Variants in AGAP1 observed in about 807,000 individuals in gnomAD.
AGAP1 encodes ArfGAP with GTPase domain, ankyrin repeat and PH domain 1, also known as arf-GAP with GTPase, ANK repeat and PH domain-containing protein 1.
AGAP1 carries 29 observed loss-of-function variants against 105.3 expected under a neutral mutation model. The observed-to-expected ratio is 0.28, with a 90% CI of 0.21 to 0.38. The LOEUF (loss-of-function observed/expected upper bound fraction) is 0.38. AGAP1 is among the 10% of genes least tolerant of loss of function. The probability of loss-of-function intolerance (pLI) is 1.00; values close to 1 mark genes in which losing one functional copy is unlikely to be tolerated. For synonymous variants in AGAP1, 509 were observed against 485.9 expected (o/e 1.05, Z -0.63); for missense variants, 998 against 1,165.1 (o/e 0.86, Z 2.09).
chr2:235,580,593 G>A (rs1944898869), intron 1 of AGAP1, among the ~76,000 whole-genome samples: 1 of 152,132 alleles, frequency 6.6e-6, no homozygotes, highest in East Asian at 1.9e-4. Context: ...AGCTACTTGT[G>A]CCTGACTATG....
intron 16 of AGAP1, among the ~76,000 whole-genome samples, chr2:236,057,631 A>G (rs1162376186): frequency 1.3e-5 from 2 of 152,128 alleles, no homozygotes; most frequent in Non-Finnish European, 2.9e-5. Context: ...GGGAATATAA[A>G]GCCTGTATTG....
chr2:235,542,726 G>A (rs938920841), intron 1 of AGAP1, among the ~76,000 whole-genome samples: 1 of 152,168 alleles, frequency 6.6e-6, no homozygotes, highest in Non-Finnish European at 1.5e-5. Context: ...CTAGTTTGTT[G>A]TATTTGCTTT....
At chr2:235,873,182 C>T (rs1191906294) in intron 9 of AGAP1, among the ~76,000 whole-genome samples, 5 of 152,206 alleles carry the variant, frequency 3.3e-5, no homozygotes, top group African/African-American at 4.8e-5. Context: ...CTTCTGGGGT[C>T]GCTCTAGACT....
rs2051060470 is a variant in AGAP1, at chr2:235,901,463, C to G, written c.1156-7275C>G. On this transcript the variant is annotated intron_variant, in intron 10 of 17. Transcript: ENST00000304032. This position sits in a 1 kb window ranked among gnomAD's most constrained non-coding sequence, Gnocchi z 4.3. Reference sequence around the variant, plus strand: ...AACATTTACAATATCTTTCCACAGTCCAACCCTTTGCTCCTCCCCGGTTGT... The same window carrying G: ...AACATTTACAATATCTTTCCACAGTGCAACCCTTTGCTCCTCCCCGGTTGT... Among the ~76,000 whole-genome samples, 1 of 152,194 alleles carries G rather than the reference C, an allele frequency of 6.6e-6. No individual in the cohort carries two copies. Among genetic ancestry groups the G allele is most frequent in the Non-Finnish European group, 1.5e-5 (1 of 68,032 alleles).
chr2:235,981,481 A>AT lies in AGAP1; in HGVS notation c.1645+12866dup, dbSNP rs1276661566. Among the ~76,000 whole-genome samples, 1 of 151,504 alleles carries AT rather than the reference A, an allele frequency of 6.6e-6. No individual in the cohort carries two copies. The highest frequency in any genetic ancestry group is 6.6e-5 in the Admixed American group (1 of 15,196). ...CACACACACACACACACACGGTGTT[A>AT]TTTTTTTTCTTTCTGAATTTCATGA... On this transcript the variant is annotated intron_variant, in intron 13 of 17. Transcript: ENST00000304032. This position sits in a 1 kb window ranked among gnomAD's most constrained non-coding sequence, Gnocchi z 5.5.
rs1951617848 is a variant in AGAP1 at position 235,725,860 on chromosome 2, G to A, written c.310+8216G>A. 6.6e-6 allele frequency among the ~76,000 whole-genome samples: 1 copy of A among 152,130 alleles called. No individual in the cohort carries two copies. Among genetic ancestry groups the A allele is most frequent in the Non-Finnish European group, 1.5e-5 (1 of 68,034 alleles). On this transcript the variant is annotated intron_variant, in intron 3 of 17. Coordinates refer to ENST00000304032, the MANE Select transcript of AGAP1 (RefSeq NM_001037131.3). This position sits in a 1 kb window ranked among gnomAD's most constrained non-coding sequence, Gnocchi z 5.7. ...CCATCAGTGAGGATCAGGTGATATTGTCTAAAAATAGGTAAAGGATGCTAA... is the reference window on the plus strand; with the variant it reads ...CCATCAGTGAGGATCAGGTGATATTATCTAAAAATAGGTAAAGGATGCTAA...
intron 1 of AGAP1, among the ~76,000 whole-genome samples, chr2:235,619,839 T>C (rs1004146219): frequency 4.6e-5 from 7 of 152,174 alleles, no homozygotes; most frequent in African/African-American, 1.4e-4. Context: ...AATTCTGCAT[T>C]GCAACAAGGG....
Position 235,582,279 on chromosome 2 carries a change from G to T in AGAP1, c.163+87430G>T, listed in dbSNP as rs538725650. On this transcript the variant is annotated intron_variant, in intron 1 of 17. Transcript: ENST00000304032. This position sits in a 1 kb window ranked among gnomAD's most constrained non-coding sequence, Gnocchi z 4.7. ...GGAGTGTGCTGAGTCTTTCTACCCCGCTGCGTGGTGCTGCCTGCCGAGGTG... is the reference window on the plus strand; with the variant it reads ...GGAGTGTGCTGAGTCTTTCTACCCCTCTGCGTGGTGCTGCCTGCCGAGGTG... Among the ~76,000 whole-genome samples, 1 of 152,146 alleles carries T rather than the reference G, an allele frequency of 6.6e-6. No individual in the cohort carries two copies. The highest frequency in any genetic ancestry group is 1.5e-5 in the Non-Finnish European group (1 of 68,032).
intron 1 of AGAP1, among the ~76,000 whole-genome samples, chr2:235,531,843 CTTCG>C (rs147115600): frequency 0.12 from 18,393 of 151,760 alleles, 1,406 homozygotes; most frequent in African/African-American, 0.21. Flanking sequence ...AACTCCTGAC[CTTCG>C]TTGATCCATG....
At chr2:235,853,535 T>G (rs2048564408) in intron 9 of AGAP1, among the ~76,000 whole-genome samples, 1 of 152,216 alleles carries the variant, frequency 6.6e-6, no homozygotes, top group South Asian at 2.1e-4. Context: ...ATGGAAGTTT[T>G]GTTTCTTCTT....
rs1291442754 is a variant in AGAP1, at chr2:235,517,862, G to A, written c.163+23013G>A. Among the ~76,000 whole-genome samples, 8 of 150,588 alleles carry A rather than the reference G, an allele frequency of 5.3e-5. No homozygotes were observed. The highest frequency in any genetic ancestry group is 1.7e-4 in the African/African-American group (7 of 40,814). On this transcript the variant is annotated intron_variant, in intron 1 of 17. Coordinates refer to ENST00000304032, the MANE Select transcript of AGAP1 (RefSeq NM_001037131.3). The surrounding 1 kb of genome is among the most constrained non-coding windows in gnomAD (Gnocchi z 4.1). ...TGAGGCAGGAGAATCTCTTGAACCCGGGAAGTGTTGGAGTGAGCCAAGATT... is the reference window on the plus strand; with the variant it reads ...TGAGGCAGGAGAATCTCTTGAACCCAGGAAGTGTTGGAGTGAGCCAAGATT...
intron 11 of AGAP1, among the ~76,000 whole-genome samples, chr2:235,926,539 C>A (rs1376773711): frequency 1.3e-5 from 2 of 152,142 alleles, no homozygotes; most frequent in Non-Finnish European, 2.9e-5. Context: ...ATATTTCTGA[C>A]CCTGTGTAAT....
At position 235,700,762 on chromosome 2, in the gene AGAP1, T is replaced by C. The variant is rs1372122437; in HGVS notation, c.164-8417T>C. Among the ~76,000 whole-genome samples the C allele has an allele frequency of 1.3e-5, 2 of 151,824 alleles. No homozygotes were observed. Among genetic ancestry groups the C allele is most frequent in the Admixed American group, 1.3e-4 (2 of 15,194 alleles). On this transcript the variant is annotated intron_variant, in intron 1 of 17. Transcript: ENST00000304032. This position sits in a 1 kb window ranked among gnomAD's most constrained non-coding sequence, Gnocchi z 6.1. ...TTGCAGTGAGCCAAGATTGTGCCAC[T>C]GCACTCCAGGCTGGGCGACAAAGCG...
intron 12 of AGAP1, among the ~76,000 whole-genome samples, chr2:235,955,976 C>G (rs182055135): frequency 5.3e-5 from 8 of 152,284 alleles, no homozygotes; most frequent in African/African-American, 1.9e-4. Context: ...TTCATAGAAA[C>G]AGCTAAGTTT....
intron 5 of AGAP1, among the ~76,000 whole-genome samples, chr2:235,749,042 G>A (rs960974850): frequency 2.0e-5 from 3 of 152,014 alleles, no homozygotes; most frequent in African/African-American, 7.2e-5. Flanking sequence ...ACCCCGTGTC[G>A]ACTAAAAATA....
chr2:235,550,492 T>A lies in AGAP1; in HGVS notation c.163+55643T>A, dbSNP rs528450582. ...TGCCATTCACAGCAGTGTCAGTGCCTGCCCAGAGTGTGCTAGAATGCCAGT... is the reference window on the plus strand; with the variant it reads ...TGCCATTCACAGCAGTGTCAGTGCCAGCCCAGAGTGTGCTAGAATGCCAGT... On this transcript the variant is annotated intron_variant, in intron 1 of 17. Coordinates refer to ENST00000304032, the MANE Select transcript of AGAP1 (RefSeq NM_001037131.3). This position sits in a 1 kb window ranked among gnomAD's most constrained non-coding sequence, Gnocchi z 4.6. Among the ~76,000 whole-genome samples the A allele has an allele frequency of 2.0e-5, 3 of 152,326 alleles. No individual in the cohort carries two copies. The highest frequency in any genetic ancestry group is 7.2e-5 in the African/African-American group (3 of 41,582).
intron 13 of AGAP1, among the ~76,000 whole-genome samples, chr2:236,008,454 T>A (rs531244680): frequency 1.8e-4 from 27 of 152,230 alleles, no homozygotes; most frequent in Admixed American, 1.5e-3. Context: ...AAGTCTACAT[T>A]AGAAATTTAT....
Position 235,737,634 on chromosome 2 carries a change from G to C in AGAP1, c.311-3329G>C, listed in dbSNP as rs1173598699. Among the ~76,000 whole-genome samples, 1 of 152,184 alleles carries C rather than the reference G, an allele frequency of 6.6e-6. No individual in the cohort carries two copies. Among genetic ancestry groups the C allele is most frequent in the Non-Finnish European group, 1.5e-5 (1 of 68,030 alleles). On this transcript the variant is annotated intron_variant, in intron 3 of 17. Transcript: ENST00000304032. This position sits in a 1 kb window ranked among gnomAD's most constrained non-coding sequence, Gnocchi z 4.5. ...GTTAGAGGAAGCAAAGGAGAGGATG[G>C]ACGTGAAATCCGTCCTATGCATGCT...
chr2:236,034,542 C>G (rs540839768), intron 13 of AGAP1, among the ~76,000 whole-genome samples: 1 of 152,254 alleles, frequency 6.6e-6, no homozygotes, highest in African/African-American at 2.4e-5. Flanking sequence ...CCCATCCTGA[C>G]CTCTTGTCAC....
Sources: gnomAD v4.1 joint callset for allele counts (sites outside exome capture counted in the v4.1 genomes callset) on GRCh38, gnomAD v4.1.1 for gene constraint, Gnocchi (gnomAD v3.1) non-coding constraint, MANE v1.5 for transcripts, NCBI Gene and HGNC (gene_info 2026-07-23, HGNC 2026-07-21) for gene names.